Variants in THSD7A observed in about 807,000 individuals in gnomAD.
The protein encoded by THSD7A is thrombospondin type 1 domain containing 7A.
THSD7A carries 96 observed loss-of-function variants against 231.3 expected under a neutral mutation model. The ratio of observed to expected loss-of-function variants is 0.41; its 90% CI spans 0.35 to 0.49. The LOEUF is 0.49. THSD7A is among the 20% of genes least tolerant of loss of function. The pLI is 0.05. For synonymous variants in THSD7A, 940 were observed against 743.3 expected (o/e 1.26, Z -4.30); for missense variants, 2,290 against 2,070.2 (o/e 1.11, Z -2.06).
In THSD7A at chr7:11,446,864, G is replaced by A. The variant is rs184898106; in HGVS notation, c.2800+366C>T. Among the ~76,000 whole-genome samples the A allele has an allele frequency of 8.9e-4, 135 of 152,202 alleles. No homozygotes were observed. The highest frequency in any genetic ancestry group is 3.1e-3 in the African/African-American group (129 of 41,538). Reference sequence around the variant, plus strand: ...ATGCTATATTCCCCCTTCTAGGTGAGAAAGGATAATCTGAGGCTCTGACAG... The same window carrying A: ...ATGCTATATTCCCCCTTCTAGGTGAAAAAGGATAATCTGAGGCTCTGACAG... On this transcript the variant is annotated intron_variant, in intron 12 of 27. Coordinates refer to ENST00000423059, the MANE Select transcript of THSD7A (RefSeq NM_015204.3). The surrounding 1 kb of genome is among the most constrained non-coding windows in gnomAD (Gnocchi z 4.0).
At chr7:11,449,282 TA>T (rs1003444623) in intron 11 of THSD7A, among the ~76,000 whole-genome samples, 1 of 152,114 alleles carries the variant, frequency 6.6e-6, no homozygotes, top group East Asian at 1.9e-4. Context: ...CCTAGAATGC[TA>T]TTAAACATGA....
intron 1 of THSD7A, among the ~76,000 whole-genome samples, chr7:11,716,685 C>A (rs555776975): frequency 9.9e-5 from 15 of 151,428 alleles, no homozygotes; most frequent in Non-Finnish European, 2.2e-4. Flanking sequence ...TATTGCCATT[C>A]ATCTATATCA....
intron 1 of THSD7A, among the ~76,000 whole-genome samples, chr7:11,732,166 CAT>C (rs761836118): frequency 5.3e-4 from 80 of 151,814 alleles, no homozygotes; most frequent in Non-Finnish European, 6.3e-4. Flanking sequence ...TGCATGAGTA[CAT>C]GTTTGTTCTT....
At chr7:11,397,112 G>T (rs1210029205) in intron 23 of THSD7A, among the ~76,000 whole-genome samples, 1 of 152,096 alleles carries the variant, frequency 6.6e-6, no homozygotes, top group Non-Finnish European at 1.5e-5. Context: ...CAATAAACTA[G>T]GTATTGATGG....
chr7:11,611,830 A>AT (rs1780936564), intron 2 of THSD7A, among the ~76,000 whole-genome samples: 2 of 141,150 alleles, frequency 1.4e-5, no homozygotes, highest in African/African-American at 5.3e-5. Flanking sequence ...ACACACACAC[A>AT]CTATCATCTG....
chr7:11,469,105 GA>G (rs970914396), intron 9 of THSD7A, among the ~76,000 whole-genome samples: 3 of 151,896 alleles, frequency 2.0e-5, no homozygotes, highest in African/African-American at 7.2e-5. Flanking sequence ...TAAGAAACAT[GA>G]AAAAAATAAA....
chr7:11,390,219 C>T (rs1205537200), intron 23 of THSD7A, among the ~76,000 whole-genome samples: 4 of 151,142 alleles, frequency 2.6e-5, no homozygotes, highest in African/African-American at 9.7e-5. Flanking sequence ...TTCCATTCTC[C>T]CCATCACTTT....
intron 1 of THSD7A, among the ~76,000 whole-genome samples, chr7:11,643,172 T>C (rs1782151367): frequency 6.6e-6 from 1 of 152,088 alleles, no homozygotes; most frequent in African/African-American, 2.4e-5. Flanking sequence ...TCACATGAGA[T>C]AGTGTGTTTT....
At chr7:11,461,989 C>T (rs200667882) in intron 10 of THSD7A, 22 bp downstream of exon 10, 609 of 1,609,086 alleles carry the variant, frequency 3.8e-4, no homozygotes, top group Non-Finnish European at 4.1e-4. Flanking sequence ...TCCTCCCTCA[C>T]GATGCATTTC....
chr7:11,400,316 A>C (rs1783355841), intron 23 of THSD7A, among the ~76,000 whole-genome samples: 1 of 152,214 alleles, frequency 6.6e-6, no homozygotes, highest in Admixed American at 6.5e-5. Flanking sequence ...ATAATTAAAA[A>C]AATTAAAAAA....
At chr7:11,793,949 C>A (rs74599517) in intron 1 of THSD7A, among the ~76,000 whole-genome samples, 4,254 of 151,614 alleles carry the variant, frequency 0.028, 78 homozygotes, top group East Asian at 0.11. Context: ...AATTGAGTGT[C>A]AAATGATCTA....
At chr7:11,726,171 C>T (rs947539570) in intron 1 of THSD7A, among the ~76,000 whole-genome samples, 1 of 151,888 alleles carries the variant, frequency 6.6e-6, no homozygotes, top group Non-Finnish European at 1.5e-5. Flanking sequence ...CACATTTTGG[C>T]AAAGTTATGC....
intron 1 of THSD7A, among the ~76,000 whole-genome samples, chr7:11,830,138 T>C (rs1347013308): frequency 6.6e-6 from 1 of 152,226 alleles, no homozygotes; most frequent in Non-Finnish European, 1.5e-5. Context: ...TTCTGAGAGC[T>C]TCCCACTATT....
At chr7:11,748,179 C>T (rs1007444555) in intron 1 of THSD7A, among the ~76,000 whole-genome samples, 1 of 151,872 alleles carries the variant, frequency 6.6e-6, no homozygotes, top group African/African-American at 2.4e-5. Context: ...AGTATCACAA[C>T]AGGAATGGAG....
intron 1 of THSD7A, among the ~76,000 whole-genome samples, chr7:11,724,128 T>C (rs939756152): frequency 6.6e-5 from 10 of 151,964 alleles, no homozygotes; most frequent in African/African-American, 2.4e-4. Context: ...GTTAAAAGAA[T>C]ATATGTGGGA....
chr7:11,693,326 C>T (rs1370500116), intron 1 of THSD7A, among the ~76,000 whole-genome samples: 1 of 151,302 alleles, frequency 6.6e-6, no homozygotes, highest in Non-Finnish European at 1.5e-5. Flanking sequence ...TACTCTAAAA[C>T]CAAGTATATC....
chr7:11,427,980 C>T (rs545820861), intron 14 of THSD7A, among the ~76,000 whole-genome samples: 2 of 152,264 alleles, frequency 1.3e-5, no homozygotes, highest in African/African-American at 2.4e-5. Flanking sequence ...TAATTCTTCA[C>T]GATCTTCATC....
intron 1 of THSD7A, among the ~76,000 whole-genome samples, chr7:11,809,768 T>C (rs772438170): frequency 2.6e-5 from 4 of 152,170 alleles, no homozygotes; most frequent in African/African-American, 9.7e-5. Context: ...ATTTCTTACA[T>C]ACAAATGTTC....
intron 11 of THSD7A, 103 bp downstream of exon 11, chr7:11,460,559 C>T: frequency 1.2e-6 from 1 of 826,060 alleles, no homozygotes; most frequent in Non-Finnish European, 1.9e-6. Context: ...TTTATATCTG[C>T]TTTGCTCTGT....
Sources: allele counts gnomAD v4.1 joint callset (sites outside exome capture counted in the v4.1 genomes callset), GRCh38; gene constraint gnomAD v4.1.1; non-coding constraint Gnocchi (gnomAD v3.1); transcripts MANE v1.5; gene names NCBI Gene and HGNC (gene_info 2026-07-23, HGNC 2026-07-21).